The following ZNF813 variants were observed in gnomAD, a reference collection of about 807,000 sequenced individuals.
ZNF813 encodes zinc finger protein 813.
In ZNF813, 3 loss-of-function variants were observed where a neutral mutation model predicts 7.2. The ratio of observed to expected loss-of-function variants is 0.42; its 90% CI spans 0.19 to 1.08. The LOEUF (loss-of-function observed/expected upper bound fraction) is 1.08. ZNF813 is among the 50% of genes least tolerant of loss of function. The pLI is 0.30. For synonymous variants in ZNF813, 227 were observed against 256.3 expected, an observed-to-expected ratio of 0.89 and a Z score of 1.09; for missense variants, 714 against 753.3, an observed-to-expected ratio of 0.95 and a Z score of 0.61.
Position 53,493,137 on chromosome 19 carries a change from TC to T in ZNF813, c.*1054del, listed in dbSNP as rs1237191632. On this transcript the variant is annotated 3_prime_UTR_variant, in exon 4 of 4. Transcript: ENST00000396403. ...CAGGTACAGTGTCTCACACCTGTAATCCCAGCACTTTGGGAGGCCAAGGCGG... is the reference window on the plus strand; with the variant it reads ...CAGGTACAGTGTCTCACACCTGTAATCCAGCACTTTGGGAGGCCAAGGCGG... 1 of 247,246 alleles carries T rather than the reference TC, an allele frequency of 4.0e-6. No homozygotes were observed. The highest frequency in any genetic ancestry group is 4.9e-5 in the Admixed American group (1 of 20,458). 15.3% of individuals were successfully genotyped at this position (247,246 alleles called of 1,614,324 possible). A position where few individuals can be genotyped will look rare whatever the true frequency, so the allele number is the denominator to read the frequency against.
At chr19:53,476,137 C>T (rs1449612304) in intron 1 of ZNF813, among the ~76,000 whole-genome samples, 2 of 152,150 alleles carry the variant, frequency 1.3e-5, no homozygotes, top group Non-Finnish European at 2.9e-5. Flanking sequence ...TATGGAACCT[C>T]TTCAAGGCAA....
intron 3 of ZNF813, among the ~76,000 whole-genome samples, chr19:53,489,564 A>T (rs8106085): frequency 0.27 from 40,790 of 151,930 alleles, 6,467 homozygotes; most frequent in African/African-American, 0.45. Context: ...ATTGGGCCAT[A>T]GCACTCCAGC....
intron 1 of ZNF813, among the ~76,000 whole-genome samples, chr19:53,475,124 G>A (rs1018427757): frequency 3.3e-5 from 5 of 152,126 alleles, no homozygotes; most frequent in Admixed American, 3.3e-4. Context: ...CTTGCCTCTA[G>A]CTGATAAAAG....
chr19:53,490,955 A>G lies in ZNF813; in HGVS notation c.723A>G (p.Lys241=). Residue 241 remains lysine, a synonymous_variant, in exon 4 of 4, where the codon AAA becomes AAG. Coordinates refer to ENST00000396403, the MANE Select transcript of ZNF813 (RefSeq NM_001004301.4). ...ATCAAATAATCCATTTAGGAGAGAA[A>G]CAATATAAATGTGATGTATGTGGCA... The part of the protein sequence containing the change: ...RKHQIIHLGE[K]QYKCDVCGKV... 6.2e-7 allele frequency: 1 copy of G among 1,614,226 alleles called. No individual in the cohort carries two copies. The highest frequency in any genetic ancestry group is 1.7e-5 in the Admixed American group (1 of 60,024).
chr19:53,477,585 G>T (rs1316320983), intron 1 of ZNF813, among the ~76,000 whole-genome samples: 1 of 152,064 alleles, frequency 6.6e-6, no homozygotes. Flanking sequence ...GGAGCCTGGG[G>T]CAAGGGGATT....
chr19:53,478,584 C>T (rs1251102978), intron 1 of ZNF813, among the ~76,000 whole-genome samples: 1 of 152,086 alleles, frequency 6.6e-6, no homozygotes, highest in Admixed American at 6.5e-5. Context: ...TCAAGACCAG[C>T]CTGGCCAACA....
rs1254442260 is a variant in ZNF813 at position 53,492,427 on chromosome 19, CATAAA to C, written c.*347_*351del. 6.8e-6 allele frequency: 3 copies of C among 441,050 alleles called. No individual in the cohort carries two copies. Among genetic ancestry groups the C allele is most frequent in the African/African-American group, 2.0e-5 (1 of 49,736 alleles). The allele number at this position is 441,050 out of a possible 1,614,324, so 27.3% of individuals were successfully genotyped here. ...CAGTCACAAGTCAAACCTTGAAAGA[CATAAA>C]ATAAATCATACTGCAGAGAAACCAT... On this transcript the variant is annotated 3_prime_UTR_variant, in exon 4 of 4. Coordinates refer to ENST00000396403, the MANE Select transcript of ZNF813 (RefSeq NM_001004301.4).
intron 1 of ZNF813, among the ~76,000 whole-genome samples, chr19:53,483,391 T>C (rs7359850): frequency 0.15 from 22,243 of 151,984 alleles, 1,638 homozygotes; most frequent in Middle Eastern, 0.23. Context: ...GGTTTCACCA[T>C]GTTGCCCAGG....
intron 3 of ZNF813, among the ~76,000 whole-genome samples, chr19:53,487,176 C>T (rs1420081060): frequency 6.6e-6 from 1 of 152,012 alleles, no homozygotes; most frequent in East Asian, 1.9e-4. Flanking sequence ...TATGAGTCTT[C>T]TGTAGAAAAC....
intron 3 of ZNF813, among the ~76,000 whole-genome samples, chr19:53,489,534 G>A (rs1262411206): frequency 2.0e-5 from 3 of 151,916 alleles, no homozygotes. Context: ...CCCAAAAGGT[G>A]GAGGTTGCAG....
intron 1 of ZNF813, among the ~76,000 whole-genome samples, chr19:53,482,230 G>T (rs575490884): frequency 6.6e-6 from 1 of 152,200 alleles, no homozygotes; most frequent in Non-Finnish European, 1.5e-5. Context: ...GGAAGAAACA[G>T]AGTTGTAGAC....
In ZNF813 at chr19:53,491,632, A is replaced by G. The variant is rs765572633; in HGVS notation, c.1400A>G (p.Tyr467Cys). ...GCTATTCATATTGGAGAGAAACGTT[A>G]CAAGTGTAATGAGTGTGGCAAGACG... ...HKAIHIGEKR[Y>C]KCNECGKTFS... The change falls in exon 4 of 4, where the codon TAC (tyrosine) becomes TGC (cysteine). Residue 467 changes from tyrosine (Y) to cysteine (C), a missense_variant. By Grantham distance (194) the Tyr-to-Cys change is radical. Coordinates refer to ENST00000396403, the MANE Select transcript of ZNF813 (RefSeq NM_001004301.4). 6 of 1,613,524 alleles carry G rather than the reference A, an allele frequency of 3.7e-6. No homozygotes were observed. The East Asian group carries it at 1.3e-4, about 36-fold the overall frequency.
chr19:53,473,534 G>C (rs931839640), intron 1 of ZNF813, among the ~76,000 whole-genome samples: 9 of 152,200 alleles, frequency 5.9e-5, no homozygotes, highest in Non-Finnish European at 1.3e-4. Context: ...GACTGTGGTG[G>C]ATCTACGGCA....
At chr19:53,470,047 A>G (rs2086349698) in intron 1 of ZNF813, among the ~76,000 whole-genome samples, 1 of 151,966 alleles carries the variant, frequency 6.6e-6, no homozygotes, top group Non-Finnish European at 1.5e-5. Flanking sequence ...TTGGTCACAT[A>G]ATCTATAGCA....
At position 53,493,846 on chromosome 19, in the gene ZNF813, G is replaced by A. The variant is rs530037806; in HGVS notation, c.*1760G>A. ...TATTTATTGAATAGAAGGGGTGAGA[G>A]CATTCTTCCATCATGTGAGATCCTA... is the stretch of plus-strand genomic sequence containing the variant. On this transcript the variant is annotated 3_prime_UTR_variant, in exon 4 of 4. Coordinates refer to ENST00000396403, the MANE Select transcript of ZNF813 (RefSeq NM_001004301.4). 4.6e-5 allele frequency: 7 copies of A among 152,350 alleles called. No individual in the cohort carries two copies. In the East Asian group the frequency reaches 1.2e-3, roughly 25 times the overall value. The allele number at this position is 152,350 out of a possible 1,614,324, so 9.4% of individuals were successfully genotyped here.
chr19:53,472,304 T>G (rs2086363370), intron 1 of ZNF813, among the ~76,000 whole-genome samples: 1 of 152,214 alleles, frequency 6.6e-6, no homozygotes, highest in Non-Finnish European at 1.5e-5. Flanking sequence ...AGAATCTTTT[T>G]CTGGGTCCCA....
chr19:53,472,538 A>T (rs1266542598), intron 1 of ZNF813, among the ~76,000 whole-genome samples: 1 of 151,716 alleles, frequency 6.6e-6, no homozygotes, highest in Non-Finnish European at 1.5e-5. Context: ...ACTTTGTGTT[A>T]TAACATACAT....
intron 2 of ZNF813, among the ~76,000 whole-genome samples, chr19:53,486,318 G>A (rs548769643): frequency 7.2e-5 from 11 of 151,914 alleles, no homozygotes; most frequent in South Asian, 2.1e-4. Flanking sequence ...ATGGTGGTGC[G>A]TGCCTGTAAT....
At chr19:53,487,791 C>T (rs1238808854) in intron 3 of ZNF813, among the ~76,000 whole-genome samples, 2 of 90,476 alleles carry the variant, frequency 2.2e-5, no homozygotes, top group African/African-American at 9.9e-5. Context: ...GAACAAGACT[C>T]TGTCTCAAAA....
Sources: allele counts gnomAD v4.1 joint callset (sites outside exome capture counted in the v4.1 genomes callset), GRCh38; gene constraint gnomAD v4.1.1; transcripts MANE v1.5; gene names NCBI Gene and HGNC (gene_info 2026-07-23, HGNC 2026-07-21).